The following SLC36A1 variants were observed in gnomAD, a reference collection of about 807,000 sequenced individuals.
SLC36A1 encodes the protein proton-coupled amino acid transporter 1.
In SLC36A1, 30 loss-of-function variants were observed where a neutral mutation model predicts 47.5. The observed-to-expected ratio is 0.63, with a 90% confidence interval of 0.47 to 0.86. The LOEUF is 0.86. SLC36A1 is among the 40% of genes least tolerant of loss of function. The probability of loss-of-function intolerance (pLI) is 0.00; values close to 1 mark genes in which losing one functional copy is unlikely to be tolerated. For synonymous variants in SLC36A1, 255 were observed against 249.7 expected, an observed-to-expected ratio of 1.02 and a Z score of -0.20; for missense variants, 517 against 606.0, an observed-to-expected ratio of 0.85 and a Z score of 1.54.
chr5:151,348,165 G>T, the SLC36A1 span, among the ~76,000 whole-genome samples: 2 of 152,200 alleles, frequency 1.3e-5, 1 homozygote, highest in African/African-American at 4.8e-5. Flanking sequence ...AGGCTCCATG[G>T]AGTGAGTAAA....
At chr5:151,468,344 T>A (rs1238236350) in intron 7 of SLC36A1, among the ~76,000 whole-genome samples, 3 of 141,582 alleles carry the variant, frequency 2.1e-5, no homozygotes, top group East Asian at 4.0e-4. Flanking sequence ...ATATTTTATA[T>A]ATATTACATG....
chr5:151,546,219 G>T, the SLC36A1 span: 1 of 1,614,040 alleles, frequency 6.2e-7, no homozygotes, highest in South Asian at 1.1e-5. Context: ...ATTGTGGGGA[G>T]CCTTGATCTT....
intron 2 of SLC36A1, among the ~76,000 whole-genome samples, chr5:151,461,443 G>C (rs551514678): frequency 6.6e-6 from 1 of 151,976 alleles, no homozygotes; most frequent in Non-Finnish European, 1.5e-5. Flanking sequence ...TCAAGCCTCC[G>C]TGCTTCTTCC....
the SLC36A1 span, chr5:151,511,335 T>C: frequency 6.6e-6 from 1 of 152,160 alleles, no homozygotes; most frequent in Non-Finnish European, 1.5e-5. Flanking sequence ...ATAGAATAGA[T>C]GGCTGAGAGG....
chr5:151,499,313 T>A, the SLC36A1 span, among the ~76,000 whole-genome samples: 1 of 152,228 alleles, frequency 6.6e-6, no homozygotes, highest in Non-Finnish European at 1.5e-5. Context: ...TTCCAAAGCC[T>A]GTCCTTAGAC....
intron 1 of SLC36A1, among the ~76,000 whole-genome samples, chr5:151,456,554 T>C (rs1754547776): frequency 6.6e-6 from 1 of 152,190 alleles, no homozygotes; most frequent in African/African-American, 2.4e-5. Flanking sequence ...TCAGAGATTT[T>C]TTTTTTCTCC....
chr5:151,435,095 A>G (rs1245816008), upstream of SLC36A1, among the ~76,000 whole-genome samples: 1 of 152,232 alleles, frequency 6.6e-6, no homozygotes, highest in African/African-American at 2.4e-5. Context: ...CAAGCAGGAT[A>G]AATAAAGGAC....
chr5:151,553,298 G>C, the SLC36A1 span: 1 of 1,614,272 alleles, frequency 6.2e-7, no homozygotes, highest in Admixed American at 1.7e-5. Context: ...AGGCCAGAGG[G>C]ATGGAGGACG....
At chr5:151,542,325 G>A in the SLC36A1 span, 1 of 1,612,490 alleles carries the variant, frequency 6.2e-7, no homozygotes, top group Non-Finnish European at 8.5e-7. Context: ...GCTCAGAAAT[G>A]TCAGCATCCA....
At chr5:151,527,661 A>G in the SLC36A1 span, among the ~76,000 whole-genome samples, 12 of 152,196 alleles carry the variant, frequency 7.9e-5, no homozygotes, top group Admixed American at 6.5e-4. Flanking sequence ...TGAGGATCAA[A>G]TGGCATAAAT....
chr5:151,468,266 A>AAAAAAAAAAAAAAAAAT (rs55642458), intron 7 of SLC36A1, among the ~76,000 whole-genome samples: 3 of 63,830 alleles, frequency 4.7e-5, no homozygotes, highest in Non-Finnish European at 5.3e-5. Flanking sequence ...AAAAAAAAAA[A>AAAAAAAAAAAAAAAAAT]ATATATATAT....
At chr5:151,424,376 T>C in the SLC36A1 span, among the ~76,000 whole-genome samples, 2 of 152,146 alleles carry the variant, frequency 1.3e-5, no homozygotes, top group Non-Finnish European at 2.9e-5. Flanking sequence ...GGGACAAAAC[T>C]GATCTCCAGA....
the SLC36A1 span, among the ~76,000 whole-genome samples, chr5:151,400,307 CT>C: frequency 6.6e-6 from 1 of 152,184 alleles, no homozygotes; most frequent in Non-Finnish European, 1.5e-5. Flanking sequence ...TAGCCTCCAG[CT>C]GCATCCATGT....
At chr5:151,535,486 G>A in the SLC36A1 span, among the ~76,000 whole-genome samples, 2 of 152,100 alleles carry the variant, frequency 1.3e-5, no homozygotes, top group African/African-American at 4.8e-5. Flanking sequence ...CTGAACACAG[G>A]GCGGTTCCTG....
the SLC36A1 span, chr5:151,521,652 G>A: frequency 3.7e-6 from 6 of 1,614,096 alleles, no homozygotes; most frequent in Non-Finnish European, 5.1e-6. Context: ...GGTTCCGCCA[G>A]TGGTCACTCA....
the SLC36A1 span, among the ~76,000 whole-genome samples, chr5:151,376,789 C>G: frequency 6.6e-6 from 1 of 152,122 alleles, no homozygotes; most frequent in Non-Finnish European, 1.5e-5. Flanking sequence ...CATGCCACCA[C>G]ACCTGGCTAA....
the SLC36A1 span, among the ~76,000 whole-genome samples, chr5:151,403,540 A>G: frequency 3.3e-5 from 5 of 152,164 alleles, no homozygotes; most frequent in African/African-American, 1.2e-4. Context: ...GTCTTCTGCC[A>G]TGAGTAAAAG....
At chr5:151,498,015 G>A in the SLC36A1 span, among the ~76,000 whole-genome samples, 1 of 150,120 alleles carries the variant, frequency 6.7e-6, no homozygotes, top group Non-Finnish European at 1.5e-5. Context: ...GTGCAATCTT[G>A]GCTCACTGCA....
chr5:151,541,316 TC>T, the SLC36A1 span, among the ~76,000 whole-genome samples: 1 of 152,230 alleles, frequency 6.6e-6, no homozygotes, highest in African/African-American at 2.4e-5. Flanking sequence ...AGTTCTAAGA[TC>T]CAACTACTCC....
Sources: allele counts gnomAD v4.1 joint callset (sites outside exome capture counted in the v4.1 genomes callset), GRCh38; gene constraint gnomAD v4.1.1; transcripts MANE v1.5; gene names NCBI Gene and HGNC (gene_info 2026-07-23, HGNC 2026-07-21).